ALG14: variants seen among roughly 807,000 people sequenced by gnomAD.
ALG14 encodes the protein UDP-N-acetylglucosamine transferase subunit ALG14.
Under a neutral mutation model 22.8 loss-of-function variants are expected in ALG14, and 17 were observed. The observed-to-expected ratio is 0.75, with a 90% CI of 0.51 to 1.12. ALG14 has a LOEUF of 1.12. Among genes scored for constraint, ALG14 ranks in the 50% most tolerant of loss-of-function variants. The pLI, the probability that ALG14 is intolerant of heterozygous loss-of-function variation, is 0.00. For missense variants in ALG14, 288 were observed against 271.8 expected, an observed-to-expected ratio of 1.06 and a Z score of -0.42; for synonymous variants, 89 against 103.7, an observed-to-expected ratio of 0.86 and a Z score of 0.86.
intron 2 of ALG14, among the ~76,000 whole-genome samples, chr1:95,038,716 GTTTTTTT>G (rs71097229): frequency 8.2e-6 from 1 of 121,488 alleles, no homozygotes; most frequent in South Asian, 2.6e-4. Flanking sequence ...AAACTATAAG[GTTTTTTT>G]TTTTTTTTTT....
chr1:94,999,328 A>T (rs1571588396), intron 3 of ALG14, among the ~76,000 whole-genome samples: 8 of 141,418 alleles, frequency 5.7e-5, no homozygotes, highest in Admixed American at 1.4e-4. Flanking sequence ...CCAATTAAAT[A>T]TTTTCAGTAG....
chr1:94,996,720 C>T (rs1424947155), intron 3 of ALG14, among the ~76,000 whole-genome samples: 1 of 152,110 alleles, frequency 6.6e-6, no homozygotes, highest in Non-Finnish European at 1.5e-5. Flanking sequence ...TTACTCTTGT[C>T]ACCCAGGCTG....
At chr1:95,009,561 TAG>T (rs1352195564) in intron 3 of ALG14, among the ~76,000 whole-genome samples, 11 of 152,194 alleles carry the variant, frequency 7.2e-5, no homozygotes, top group Admixed American at 7.2e-4. Context: ...CATTCAGAAA[TAG>T]AGAAAGAATA....
At chr1:95,054,880 C>T (rs1674877339) in intron 2 of ALG14, among the ~76,000 whole-genome samples, 3 of 152,224 alleles carry the variant, frequency 2.0e-5, no homozygotes, top group Non-Finnish European at 2.9e-5. Flanking sequence ...AAAGTACAAT[C>T]TCACACATGA....
At chr1:95,044,662 C>A (rs1035348393) in intron 2 of ALG14, among the ~76,000 whole-genome samples, 4 of 152,152 alleles carry the variant, frequency 2.6e-5, no homozygotes, top group Non-Finnish European at 5.9e-5. Context: ...CCTGTGCAAT[C>A]TGCCCCCACA....
At chr1:94,986,386 C>T (rs764810887) in intron 3 of ALG14, among the ~76,000 whole-genome samples, 2 of 152,104 alleles carry the variant, frequency 1.3e-5, no homozygotes, top group Non-Finnish European at 2.9e-5. Flanking sequence ...CTTTGCTTAC[C>T]CTATATTGAC....
At position 94,992,006 on chromosome 1, in the gene ALG14, G is replaced by A. The variant is rs543295993; in HGVS notation, c.421-8700C>T. ...GGTCTTCAGGGCCACTAACACGCATGGAGCTGTCATCTCCTATGAGAACAA... is the reference window on the plus strand; with the variant it reads ...GGTCTTCAGGGCCACTAACACGCATAGAGCTGTCATCTCCTATGAGAACAA... On this transcript the variant is annotated intron_variant, in intron 3 of 3. Coordinates refer to ENST00000370205, the MANE Select transcript of ALG14 (RefSeq NM_144988.4). 2.0e-5 allele frequency among the ~76,000 whole-genome samples: 3 copies of A among 150,978 alleles called. No individual in the cohort carries two copies. The South Asian group carries it at 6.4e-4, about 32-fold the overall frequency.
intron 3 of ALG14, among the ~76,000 whole-genome samples, chr1:95,001,572 T>G (rs1482147004): frequency 6.6e-6 from 1 of 152,210 alleles, no homozygotes; most frequent in Admixed American, 6.5e-5. Context: ...CTCTGCTCAC[T>G]GCAACCTCCG....
intron 2 of ALG14, among the ~76,000 whole-genome samples, chr1:95,041,167 C>CAAAT (rs1674364155): frequency 6.6e-6 from 1 of 152,132 alleles, no homozygotes; most frequent in Non-Finnish European, 1.5e-5. Flanking sequence ...ATATTTTGCT[C>CAAAT]ATTTAGACCG....
intron 3 of ALG14, among the ~76,000 whole-genome samples, chr1:94,992,527 G>A (rs1186681933): frequency 1.3e-5 from 2 of 152,142 alleles, no homozygotes; most frequent in African/African-American, 4.8e-5. Context: ...GGACTGACTC[G>A]AAGTTACTGA....
intron 3 of ALG14, among the ~76,000 whole-genome samples, chr1:95,002,290 C>T (rs1673090313): frequency 6.6e-6 from 1 of 151,816 alleles, no homozygotes; most frequent in Non-Finnish European, 1.5e-5. Context: ...CAAGCGGCCC[C>T]AGCAGCAGCA....
intron 2 of ALG14, among the ~76,000 whole-genome samples, chr1:95,047,960 A>G (rs1295651388): frequency 6.6e-6 from 1 of 152,224 alleles, no homozygotes; most frequent in Non-Finnish European, 1.5e-5. Context: ...TGGGCAACAC[A>G]GCAAGATCCT....
intron 2 of ALG14, among the ~76,000 whole-genome samples, chr1:95,052,600 G>A (rs1674784753): frequency 6.6e-6 from 1 of 152,140 alleles, no homozygotes; most frequent in African/African-American, 2.4e-5. Context: ...GCTCACACCT[G>A]TAATCCCACC....
chr1:95,060,084 CTT>C (rs1675083092), intron 2 of ALG14, among the ~76,000 whole-genome samples: 1 of 151,644 alleles, frequency 6.6e-6, no homozygotes, highest in East Asian at 2.0e-4. Context: ...GTCTCTGCCT[CTT>C]TGTCTTTCTG....
intron 2 of ALG14, among the ~76,000 whole-genome samples, chr1:95,060,080 G>C (rs941893886): frequency 4.0e-5 from 6 of 151,308 alleles, no homozygotes; most frequent in African/African-American, 1.5e-4. Flanking sequence ...GTCTGTCTCT[G>C]CCTCTTTGTC....
chr1:95,046,702 T>G (rs1674566904), intron 2 of ALG14, among the ~76,000 whole-genome samples: 1 of 152,248 alleles, frequency 6.6e-6, no homozygotes, highest in Non-Finnish European at 1.5e-5. Flanking sequence ...TAAAATGTAC[T>G]TTTTAAAATA....
At chr1:95,048,548 G>A (rs1674645481) in intron 2 of ALG14, among the ~76,000 whole-genome samples, 1 of 152,118 alleles carries the variant, frequency 6.6e-6, no homozygotes, top group Non-Finnish European at 1.5e-5. Context: ...GCCTTGGAGG[G>A]GTGGATGTCC....
chr1:95,057,572 A>G (rs980011587), intron 2 of ALG14, among the ~76,000 whole-genome samples: 5 of 151,104 alleles, frequency 3.3e-5, no homozygotes, highest in African/African-American at 1.2e-4. Context: ...GTGAAAATAC[A>G]TGCACACGCG....
In ALG14 at chr1:94,983,198, G is replaced by T. The variant is rs1279524858; in HGVS notation, c.529C>A (p.Arg177Ser). 6.2e-7 allele frequency: 1 copy of T among 1,614,048 alleles called. No homozygotes were observed. The highest frequency in any genetic ancestry group is 8.5e-7 in the Non-Finnish European group (1 of 1,179,982). The change falls in exon 4 of 4, where the codon CGT (arginine) becomes AGT (serine). Residue 177 changes from arginine (R) to serine (S), a missense_variant. Physicochemically the swap from Arg to Ser is moderately radical, Grantham distance 110 (BLOSUM62 -1). Coordinates refer to ENST00000370205, the MANE Select transcript of ALG14 (RefSeq NM_144988.4). Reference sequence around the variant, plus strand: ...CCGGACATGGATAACGTTTCTACACGGCAGATGCTTTCAACGTAGACAATG... The same window carrying T: ...CCGGACATGGATAACGTTTCTACACTGCAGATGCTTTCAACGTAGACAATG... The part of the protein sequence containing the change: ...VIIVYVESIC[R>S]VETLSMSGKI...
Sources: gnomAD v4.1 joint callset for allele counts (sites outside exome capture counted in the v4.1 genomes callset) on GRCh38, gnomAD v4.1.1 for gene constraint, MANE v1.5 for transcripts, NCBI Gene and HGNC (gene_info 2026-07-23, HGNC 2026-07-21) for gene names.